The following ZNF540 variants were observed in gnomAD, a reference collection of about 807,000 sequenced individuals.
ZNF540 encodes zinc finger protein 540.
A neutral mutation model predicts 11.8 loss-of-function variants in ZNF540; 3 were observed. The ratio of observed to expected loss-of-function variants is 0.25; its 90% CI spans 0.12 to 0.65. The LOEUF (loss-of-function observed/expected upper bound fraction) is 0.65. Among genes scored for constraint, ZNF540 ranks in the 30% least tolerant of loss-of-function variants. ZNF540 has a pLI of 0.83. For missense variants in ZNF540, 709 were observed against 793.1 expected, an observed-to-expected ratio of 0.89 and a Z score of 1.27; for synonymous variants, 247 against 259.0, an observed-to-expected ratio of 0.95 and a Z score of 0.45.
intron 4 of ZNF540, among the ~76,000 whole-genome samples, chr19:37,608,287 C>T (rs2044100171): frequency 6.6e-6 from 1 of 152,174 alleles, no homozygotes; most frequent in Non-Finnish European, 1.5e-5. Flanking sequence ...TCTTCAAGTG[C>T]AGAGACTCTC....
intron 1 of ZNF540, 130 bp downstream of exon 1, chr19:37,595,225 T>A (rs996413699): frequency 2.0e-5 from 3 of 152,448 alleles, no homozygotes; most frequent in African/African-American, 4.8e-5. Context: ...CGTGTGTGTG[T>A]GGGTCTGTGC....
intron 4 of ZNF540, among the ~76,000 whole-genome samples, chr19:37,602,807 C>A (rs1018539363): frequency 6.6e-6 from 1 of 152,024 alleles, no homozygotes; most frequent in Non-Finnish European, 1.5e-5. Context: ...AGGAAAGAAG[C>A]TGGTGGTGAC....
intron 1 of ZNF540, chr19:37,564,488 T>A: frequency 1.0e-6 from 1 of 968,530 alleles, no homozygotes; most frequent in African/African-American, 1.6e-5. Context: ...CATGTTAATG[T>A]AGGCCTTCTA....
At chr19:37,562,841 CAT>C (rs2042733336) in intron 1 of ZNF540, 1 of 152,164 alleles carries the variant, frequency 6.6e-6, no homozygotes, top group Non-Finnish European at 1.5e-5. Context: ...CATGCACAAA[CAT>C]ATCTGGTAAT....
chr19:37,595,879 T>C (rs1054568942), intron 1 of ZNF540, among the ~76,000 whole-genome samples: 3 of 152,244 alleles, frequency 2.0e-5, no homozygotes, highest in African/African-American at 7.2e-5. Context: ...ATAGTCTTCC[T>C]ATTGAACAGT....
chr19:37,591,779 G>C (rs1021328288), upstream of ZNF540, among the ~76,000 whole-genome samples: 1 of 152,026 alleles, frequency 6.6e-6, no homozygotes, highest in African/African-American at 2.4e-5. Context: ...CCCGACCTCA[G>C]GTGATTCGCC....
chr19:37,560,019 G>A (rs1055630581), intron 1 of ZNF540, among the ~76,000 whole-genome samples: 1 of 152,206 alleles, frequency 6.6e-6, no homozygotes, highest in Non-Finnish European at 1.5e-5. Flanking sequence ...GCTCACACCT[G>A]TAATCCCAGC....
intron 1 of ZNF540, among the ~76,000 whole-genome samples, chr19:37,558,511 T>C (rs906423644): frequency 6.6e-6 from 1 of 152,114 alleles, no homozygotes; most frequent in African/African-American, 2.4e-5. Flanking sequence ...GACAAGTTTA[T>C]GGGTTTCCGA....
In ZNF540 at chr19:37,567,366, C is replaced by T. The variant is rs1000136509; in HGVS notation, c.-73+15701C>T. Reference sequence around the variant, plus strand: ...CATTCATAAATCTCCTTAGATGCTTCTCATAAAACACAAAGTTTGAGAATA... The same window carrying T: ...CATTCATAAATCTCCTTAGATGCTTTTCATAAAACACAAAGTTTGAGAATA... On this transcript the variant is annotated intron_variant, in intron 1 of 4. Transcript: ENST00000592533. Among the ~76,000 whole-genome samples the T allele has an allele frequency of 2.6e-5, 4 of 152,162 alleles. No individual in the cohort carries two copies. In the East Asian group the frequency reaches 7.7e-4, roughly 29 times the overall value.
At chr19:37,595,195 C>A (rs1309003659) in intron 1 of ZNF540, 100 bp downstream of exon 1, 1 of 152,152 alleles carries the variant, frequency 6.6e-6, no homozygotes, top group Non-Finnish European at 1.5e-5. Flanking sequence ...GCATTCTTTG[C>A]GGCCATGTGT....
intron 1 of ZNF540, among the ~76,000 whole-genome samples, chr19:37,579,964 G>GA (rs941253065): frequency 5.3e-5 from 8 of 151,402 alleles, no homozygotes; most frequent in Non-Finnish European, 1.2e-4. Flanking sequence ...TATTATTCTG[G>GA]AAAAAAAAGA....
At chr19:37,565,282 C>G (rs752663737) in intron 1 of ZNF540, 1 of 1,611,016 alleles carries the variant, frequency 6.2e-7, no homozygotes, top group Non-Finnish European at 8.5e-7. Context: ...AATGAACTCT[C>G]AGGTGGTAAG....
intron 1 of ZNF540, among the ~76,000 whole-genome samples, chr19:37,556,828 T>C (rs1176519470): frequency 2.0e-5 from 3 of 152,190 alleles, no homozygotes; most frequent in Non-Finnish European, 4.4e-5. Context: ...GGAAGGAGAC[T>C]TACCCAATTT....
intron 1 of ZNF540, chr19:37,564,492 C>T (rs1241767032): frequency 2.0e-6 from 2 of 1,010,238 alleles, no homozygotes; most frequent in African/African-American, 1.6e-5. Context: ...TTAATGTAGG[C>T]CTTCTAAGAA....
intron 1 of ZNF540, chr19:37,563,655 T>C (rs551745524): frequency 2.5e-4 from 37 of 150,910 alleles, no homozygotes; most frequent in Non-Finnish European, 7.4e-5. Flanking sequence ...ACACGTGGAA[T>C]GTATACATAT....
chr19:37,554,647 A>G (rs2042640909), intron 1 of ZNF540: 1 of 152,188 alleles, frequency 6.6e-6, no homozygotes, highest in Non-Finnish European at 1.5e-5. Flanking sequence ...TTATTTTTAA[A>G]TATTTTTTCT....
At chr19:37,552,873 G>A (rs1007426497) in intron 1 of ZNF540, among the ~76,000 whole-genome samples, 2 of 151,978 alleles carry the variant, frequency 1.3e-5, no homozygotes, top group African/African-American at 4.8e-5. Context: ...CTTGAACTCG[G>A]GAGGTAGAGG....
chr19:37,612,951 G>C lies in ZNF540; in HGVS notation c.1671G>C (p.Gly557=). The C allele has an allele frequency of 6.2e-7, 1 of 1,614,150 alleles. No homozygotes were observed. The highest frequency in any genetic ancestry group is 1.1e-5 in the South Asian group (1 of 91,080). The part of the protein sequence containing the change: ...GLKPYDCKEC[G]KSFSRRGQFT... ...AACCCTATGACTGTAAAGAATGTGG[G>C]AAGTCCTTTAGTCGGCGTGGGCAGT... The change falls in exon 5 of 5, where the codon GGG becomes GGC. Residue 557 remains glycine (G), a synonymous_variant. Transcript: ENST00000316433.
intron 4 of ZNF540, 144 bp from the exon 5 acceptor site, chr19:37,611,369 T>A: frequency 1.6e-6 from 1 of 638,178 alleles, no homozygotes; most frequent in Non-Finnish European, 2.6e-6. Flanking sequence ...AATTTCAAAT[T>A]ATATAACTTT....
Sources: allele counts gnomAD v4.1 joint callset (sites outside exome capture counted in the v4.1 genomes callset), GRCh38; gene constraint gnomAD v4.1.1; transcripts MANE v1.5; gene names NCBI Gene and HGNC (gene_info 2026-07-23, HGNC 2026-07-21).